RAB39A: variants seen among roughly 807,000 people sequenced by gnomAD.
RAB39A encodes the protein ras-related protein Rab-39A.
A neutral mutation model predicts 20.9 loss-of-function variants in RAB39A; 17 were observed. The ratio of observed to expected loss-of-function variants is 0.81; its 90% CI spans 0.56 to 1.22. The LOEUF (loss-of-function observed/expected upper bound fraction) is 1.22, where lower values mean the gene tolerates loss of function less well. Among genes scored for constraint, RAB39A ranks in the 50% most tolerant of loss-of-function variants. The pLI is 0.00. For synonymous variants in RAB39A, 99 were observed against 103.4 expected, an observed-to-expected ratio of 0.96 and a Z score of 0.26; for missense variants, 234 against 270.5, an observed-to-expected ratio of 0.87 and a Z score of 0.95.
chr11:107,957,334 A>G (rs529867962), intron 1 of RAB39A, among the ~76,000 whole-genome samples: 1 of 152,190 alleles, frequency 6.6e-6, no homozygotes, highest in African/African-American at 2.4e-5. Flanking sequence ...GGAGCAGGAG[A>G]TTTTTTTTAC....
chr11:107,931,044 T>G (rs1421245289), intron 1 of RAB39A, among the ~76,000 whole-genome samples: 1 of 150,582 alleles, frequency 6.6e-6, no homozygotes, highest in Non-Finnish European at 1.5e-5. Flanking sequence ...TGGCGCGATC[T>G]CTGCTCACTG....
At chr11:107,943,184 A>G (rs78397492) in intron 1 of RAB39A, among the ~76,000 whole-genome samples, 6,749 of 152,282 alleles carry the variant, frequency 0.044, 162 homozygotes, top group Middle Eastern at 0.15. Context: ...CTGGGCACAT[A>G]CTGAATGTGA....
chr11:107,939,135 T>C (rs1245841482), intron 1 of RAB39A, among the ~76,000 whole-genome samples: 2 of 151,108 alleles, frequency 1.3e-5, no homozygotes, highest in Non-Finnish European at 2.9e-5. Flanking sequence ...TCCCAGCTAA[T>C]TGGAAGGCTA....
At chr11:107,948,497 G>A (rs1789555268) in intron 1 of RAB39A, among the ~76,000 whole-genome samples, 2 of 145,340 alleles carry the variant, frequency 1.4e-5, no homozygotes, top group African/African-American at 2.5e-5. Context: ...CCCCTCCCCC[G>A]ACCACCCCCA....
chr11:107,934,303 A>G (rs1861170039), intron 1 of RAB39A, among the ~76,000 whole-genome samples: 1 of 152,030 alleles, frequency 6.6e-6, no homozygotes, highest in South Asian at 2.1e-4. Flanking sequence ...GCATGGTGGC[A>G]TGGACCTGCA....
chr11:107,945,159 A>G (rs4444042), intron 1 of RAB39A, among the ~76,000 whole-genome samples: 139,023 of 150,546 alleles, frequency 0.92, 64,330 homozygotes, highest in Non-Finnish European at 0.96. Context: ...ATTCTAGCCT[A>G]GGTGACAGAG....
chr11:107,960,584 G>T (rs892199137), intron 1 of RAB39A, among the ~76,000 whole-genome samples: 7 of 152,176 alleles, frequency 4.6e-5, no homozygotes, highest in Admixed American at 3.9e-4. Flanking sequence ...ACAATTGTAG[G>T]TTAGCCGAAA....
chr11:107,934,078 G>A (rs1053291851), intron 1 of RAB39A, among the ~76,000 whole-genome samples: 1 of 152,148 alleles, frequency 6.6e-6, no homozygotes, highest in Non-Finnish European at 1.5e-5. Flanking sequence ...AAAGAAACCT[G>A]TTTAACTTTG....
Position 107,939,391 on chromosome 11 carries a change from G to A in RAB39A, c.227+10596G>A, listed in dbSNP as rs188060056. Reference sequence around the variant, plus strand: ...GGAGGCCGAGGCGGGCAGATCACAAGGTCAGGAGATCGAGACCATCCTGGC... The same window carrying A: ...GGAGGCCGAGGCGGGCAGATCACAAAGTCAGGAGATCGAGACCATCCTGGC... On this transcript the variant is annotated intron_variant, in intron 1 of 1. Transcript: ENST00000320578. Among the ~76,000 whole-genome samples the A allele has an allele frequency of 3.4e-3, 509 of 151,554 alleles. 9 individuals are homozygous for A. The East Asian group carries it at 0.052, about 16-fold the overall frequency.
intron 1 of RAB39A, among the ~76,000 whole-genome samples, chr11:107,960,654 G>A (rs1861487187): frequency 6.6e-6 from 1 of 152,174 alleles, no homozygotes; most frequent in African/African-American, 2.4e-5. Flanking sequence ...ACTAATAAAG[G>A]ATGGTGAAGC....
chr11:107,953,605 C>A (rs1168952609), intron 1 of RAB39A, among the ~76,000 whole-genome samples: 2 of 152,174 alleles, frequency 1.3e-5, no homozygotes, highest in African/African-American at 4.8e-5. Context: ...GAAAGCATTT[C>A]TCCCTTGAAT....
intron 1 of RAB39A, among the ~76,000 whole-genome samples, chr11:107,949,628 G>T (rs2134966771): frequency 6.6e-6 from 1 of 152,220 alleles, no homozygotes; most frequent in Admixed American, 6.5e-5. Context: ...TTATTGTTCT[G>T]CAAAAGGATA....
chr11:107,951,203 C>T (rs1861375164), intron 1 of RAB39A, among the ~76,000 whole-genome samples: 1 of 152,146 alleles, frequency 6.6e-6, no homozygotes, highest in Non-Finnish European at 1.5e-5. Flanking sequence ...CTGTTAGAGT[C>T]AATAATAATC....
At chr11:107,944,589 G>A (rs1861290855) in intron 1 of RAB39A, among the ~76,000 whole-genome samples, 1 of 152,004 alleles carries the variant, frequency 6.6e-6, no homozygotes, top group South Asian at 2.1e-4. Context: ...GTATCACCAT[G>A]TTAGCCAGGC....
chr11:107,958,501 T>C (rs1861461037), intron 1 of RAB39A, among the ~76,000 whole-genome samples: 1 of 152,186 alleles, frequency 6.6e-6, no homozygotes, highest in African/African-American at 2.4e-5. Flanking sequence ...CCCCAGATGA[T>C]TGATAGCAAC....
At chr11:107,950,033 A>C (rs1206278883) in intron 1 of RAB39A, among the ~76,000 whole-genome samples, 2 of 151,834 alleles carry the variant, frequency 1.3e-5, no homozygotes, top group South Asian at 4.2e-4. Context: ...AAAAAAAATT[A>C]GCCGGGCGTG....
intron 1 of RAB39A, among the ~76,000 whole-genome samples, chr11:107,943,985 C>G (rs974199396): frequency 6.6e-6 from 1 of 151,966 alleles, no homozygotes; most frequent in Non-Finnish European, 1.5e-5. Flanking sequence ...GTCCCAGCTA[C>G]TTGGGATGCT....
chr11:107,948,145 A>T (rs942812393), intron 1 of RAB39A, among the ~76,000 whole-genome samples: 2 of 152,126 alleles, frequency 1.3e-5, no homozygotes, highest in African/African-American at 4.8e-5. Context: ...GCCATGCCAG[A>T]TTGGAGCAGG....
Position 107,944,094 on chromosome 11 carries a change from C to CA in RAB39A, c.227+15314dup, listed in dbSNP as rs753877590. On this transcript the variant is annotated intron_variant, in intron 1 of 1. Transcript: ENST00000320578. ...AGGGCGACACAGTGAGACTCCATCT[C>CA]AAAAAAAAAAAAAAATAATAATAGT... is the stretch of plus-strand genomic sequence containing the variant. Among the ~76,000 whole-genome samples the CA allele has an allele frequency of 6.4e-3, 829 of 130,234 alleles. 3 individuals are homozygous for CA. The highest frequency in any genetic ancestry group is 0.011 in the African/African-American group (360 of 33,812). 85.4% of individuals were successfully genotyped at this position (130,234 alleles called of 152,430 possible). A position where few individuals can be genotyped will look rare whatever the true frequency, so the allele number is the denominator to read the frequency against.
Sources: gnomAD v4.1 joint callset for allele counts (sites outside exome capture counted in the v4.1 genomes callset) on GRCh38, gnomAD v4.1.1 for gene constraint, MANE v1.5 for transcripts, NCBI Gene and HGNC (gene_info 2026-07-23, HGNC 2026-07-21) for gene names.